Variants in TTYH3 observed in about 807,000 individuals in gnomAD.
TTYH3 encodes tweety family member 3, also known as protein tweety homolog 3.
Under a neutral mutation model 68.2 loss-of-function variants are expected in TTYH3, and 23 were observed. The ratio of observed to expected loss-of-function variants is 0.34; its 90% confidence interval spans 0.24 to 0.48. The LOEUF (loss-of-function observed/expected upper bound fraction) is 0.48, where lower values mean the gene tolerates loss of function less well. Ranked by LOEUF, TTYH3 falls within the 20% of genes least tolerant of loss-of-function variation. The pLI, the probability that TTYH3 is intolerant of heterozygous loss-of-function variation, is 0.99. For synonymous variants in TTYH3, 360 were observed against 332.8 expected (o/e 1.08, Z -0.89); for missense variants, 768 against 727.7 (o/e 1.06, Z -0.64).
Position 2,642,125 on chromosome 7 carries a change from G to A in TTYH3, c.124-4728G>A, listed in dbSNP as rs369840504. Among the ~76,000 whole-genome samples, 67 of 152,334 alleles carry A rather than the reference G, an allele frequency of 4.4e-4. 1 individual carries two copies. The South Asian group carries it at 0.013, about 30-fold the overall frequency. ...AGAGAAAGCTGCCTCAGCCAATCGC[G>A]GTGCTCACACCTGTAATCCAGCACT... On this transcript the variant is annotated intron_variant, in intron 1 of 13. Transcript: ENST00000258796.
chr7:2,659,725 A>G (rs1351984218), intron 13 of TTYH3, among the ~76,000 whole-genome samples: 1 of 151,990 alleles, frequency 6.6e-6, no homozygotes, highest in African/African-American at 2.4e-5. Flanking sequence ...GGCCACTGTC[A>G]TGGTCCCCTG....
chr7:2,639,384 C>T (rs1034999355), intron 1 of TTYH3, among the ~76,000 whole-genome samples: 4 of 152,214 alleles, frequency 2.6e-5, no homozygotes, highest in South Asian at 2.1e-4. Flanking sequence ...TGCCCTCCCC[C>T]ACCTGTTGCG....
At chr7:2,647,923 C>T (rs1162509871) in intron 4 of TTYH3, 36 bp from the exon 5 acceptor site, 1 of 1,599,804 alleles carries the variant, frequency 6.3e-7, no homozygotes, top group South Asian at 1.1e-5. Flanking sequence ...GGCCCCGGGT[C>T]CCTGTGCCCT....
At chr7:2,648,763 G>A (rs1006094313) in intron 5 of TTYH3, among the ~76,000 whole-genome samples, 10 of 152,042 alleles carry the variant, frequency 6.6e-5, no homozygotes, top group Admixed American at 2.6e-4. Flanking sequence ...TGGTGGGGGG[G>A]GGTGCAGCTT....
rs1786543981 is a variant in TTYH3 at position 2,663,424 on chromosome 7, A to T, written c.*1685A>T. On this transcript the variant is annotated 3_prime_UTR_variant, in exon 14 of 14. Transcript: ENST00000258796. ...GTGTCTGGGACCAAAAAGGGGGAAT[A>T]TGGGAGGGCAGAGTGGGGAGGGGAG... The T allele has an allele frequency of 6.6e-6, 1 of 152,498 alleles. No homozygotes were observed. Among genetic ancestry groups the T allele is most frequent in the Non-Finnish European group, 1.5e-5 (1 of 68,070 alleles). The allele number at this position is 152,498 out of a possible 1,614,324, so 9.4% of individuals were successfully genotyped here.
In TTYH3 at chr7:2,645,661, A is replaced by G. The variant is rs1157984938; in HGVS notation, c.124-1192A>G. 3 of 399,582 alleles carry G rather than the reference A, an allele frequency of 7.5e-6. No individual in the cohort carries two copies. Among genetic ancestry groups the G allele is most frequent in the East Asian group, 1.5e-4 (2 of 13,712 alleles). The allele number at this position is 399,582 out of a possible 1,614,324, so 24.8% of individuals were successfully genotyped here. On this transcript the variant is annotated intron_variant, in intron 1 of 13. Coordinates refer to ENST00000258796, the MANE Select transcript of TTYH3 (RefSeq NM_025250.3). The surrounding 1 kb of genome is among the most constrained non-coding windows in gnomAD (Gnocchi z 4.8). The stretch of plus-strand genomic sequence containing the variant: ...TGGGGCCAGCCCCACCATCTCATCC[A>G]GCGTGGGGGCACGCCATGGACGGTG...
At chr7:2,643,024 C>G (rs2114980316) in intron 1 of TTYH3, among the ~76,000 whole-genome samples, 1 of 150,068 alleles carries the variant, frequency 6.7e-6, no homozygotes, top group African/African-American at 2.5e-5. Context: ...GATCACACCA[C>G]TGCACTCCAG....
intron 1 of TTYH3, among the ~76,000 whole-genome samples, chr7:2,634,199 G>A (rs772918980): frequency 2.6e-5 from 4 of 152,246 alleles, no homozygotes; most frequent in Non-Finnish European, 4.4e-5. Flanking sequence ...GGGCTGTGGC[G>A]TGAGCTGGTC....
rs561364736 is a variant in TTYH3, at chr7:2,656,139, C to T, written c.1068C>T (p.Asn356=). ...VQEVLNGTEV[N]LQHLTALVDC... is the part of the protein sequence containing the mutation. ...AGGTGCTGAATGGCACGGAGGTGAA[C>T]CTGCAGCACCTCACCGCCCTGGTGG... Residue 356 remains asparagine (N), a synonymous_variant, in exon 10 of 14, where the codon AAC becomes AAT. Transcript: ENST00000258796. 7 of 1,570,870 alleles carry T rather than the reference C, an allele frequency of 4.5e-6. No homozygotes were observed. The African/African-American group carries it at 5.4e-5, about 12-fold the overall frequency.
Position 2,647,457 on chromosome 7 carries a change from C to T in TTYH3, c.445C>T (p.Pro149Ser). ...GGTGGGGCTGAACCACACGGCGGAG[C>T]CCAGCCTGCAGACCCTGGAGCGGCA... is the stretch of plus-strand genomic sequence containing the variant. ...TAVGLNHTAE[P>S]SLQTLERQLA... is the part of the protein sequence containing the mutation. The change falls in exon 4 of 14, where the codon CCC becomes TCC. Residue 149 changes from proline to serine, a missense_variant. Pro to Ser is a moderately conservative substitution (Grantham distance 74). Transcript: ENST00000258796. The T allele has an allele frequency of 6.5e-7, 1 of 1,531,638 alleles. No individual in the cohort carries two copies. The highest frequency in any genetic ancestry group is 8.7e-7 in the Non-Finnish European group (1 of 1,143,362). The allele number at this position is 1,531,638 out of a possible 1,614,324, so 94.9% of individuals were successfully genotyped here.
chr7:2,661,806 A>G lies in TTYH3; in HGVS notation c.*67A>G. On this transcript the variant is annotated 3_prime_UTR_variant, in exon 14 of 14. Transcript: ENST00000258796. Reference sequence around the variant, plus strand: ...TCCCCGTGCCAGCACTGCCGCTTCCACCTGGGCCACCCACCGGACCCTCGC... The same window carrying G: ...TCCCCGTGCCAGCACTGCCGCTTCCGCCTGGGCCACCCACCGGACCCTCGC... 1 of 1,512,392 alleles carries G rather than the reference A, an allele frequency of 6.6e-7. No homozygotes were observed. Among genetic ancestry groups the G allele is most frequent in the Non-Finnish European group, 8.9e-7 (1 of 1,118,328 alleles). 93.7% of individuals were successfully genotyped at this position (1,512,392 alleles called of 1,614,324 possible).
intron 11 of TTYH3, among the ~76,000 whole-genome samples, chr7:2,658,040 T>G (rs1388879032): frequency 6.6e-6 from 1 of 152,214 alleles, no homozygotes; most frequent in Non-Finnish European, 1.5e-5. Context: ...AGCCTTGCCA[T>G]GCACAGGCCG....
intron 9 of TTYH3, among the ~76,000 whole-genome samples, chr7:2,653,557 A>G (rs1786249111): frequency 6.6e-6 from 1 of 151,946 alleles, no homozygotes; most frequent in South Asian, 2.1e-4. Context: ...TCTACATTAC[A>G]ATATGTTAAA....
chr7:2,653,693 T>C (rs1172560194), intron 9 of TTYH3, among the ~76,000 whole-genome samples: 1 of 152,128 alleles, frequency 6.6e-6, no homozygotes, highest in East Asian at 1.9e-4. Flanking sequence ...TGAAACACCA[T>C]TTCTACTAAA....
chr7:2,652,297 G>T lies in TTYH3; in HGVS notation c.927+55G>T. ...TCAGGAGAGTCTGAAGCACATTGCT[G>T]TGTGTGGAGGGGCCCAGCAGGCCTG... is the stretch of plus-strand genomic sequence containing the variant. On this transcript the variant is annotated intron_variant, in intron 8 of 13. Coordinates refer to ENST00000258796, the MANE Select transcript of TTYH3 (RefSeq NM_025250.3). 5 of 1,513,836 alleles carry T rather than the reference G, an allele frequency of 3.3e-6. No homozygotes were observed. The East Asian group carries it at 1.1e-4, about 34-fold the overall frequency. The allele number at this position is 1,513,836 out of a possible 1,614,324, so 93.8% of individuals were successfully genotyped here.
rs111233676 is a variant in TTYH3 at position 2,661,799 on chromosome 7, C to T, written c.*60C>T. The T allele has an allele frequency of 2.9e-5, 45 of 1,540,698 alleles. No homozygotes were observed. The highest frequency in any genetic ancestry group is 2.9e-4 in the South Asian group (25 of 85,730). On this transcript the variant is annotated 3_prime_UTR_variant, in exon 14 of 14. Coordinates refer to ENST00000258796, the MANE Select transcript of TTYH3 (RefSeq NM_025250.3). ...CTTCCCCTCCCCGTGCCAGCACTGC[C>T]GCTTCCACCTGGGCCACCCACCGGA...
At chr7:2,646,062 T>A (rs560767910) in intron 1 of TTYH3, among the ~76,000 whole-genome samples, 12 of 151,956 alleles carry the variant, frequency 7.9e-5, no homozygotes, top group Admixed American at 2.6e-4. Context: ...TCGCCCAGGC[T>A]GGAGTGCAGT....
chr7:2,640,496 G>C (rs1483906518), intron 1 of TTYH3, among the ~76,000 whole-genome samples: 1 of 152,216 alleles, frequency 6.6e-6, no homozygotes, highest in African/African-American at 2.4e-5. Flanking sequence ...CCCAGGTCCT[G>C]CCACCAGGTG....
chr7:2,650,445 G>C (rs189545783), intron 7 of TTYH3, among the ~76,000 whole-genome samples: 2 of 152,230 alleles, frequency 1.3e-5, no homozygotes, highest in Non-Finnish European at 2.9e-5. Context: ...GGGTGTGGTC[G>C]TGGGTGCCTG....
Sources: allele counts gnomAD v4.1 joint callset (sites outside exome capture counted in the v4.1 genomes callset), GRCh38; gene constraint gnomAD v4.1.1; non-coding constraint Gnocchi (gnomAD v3.1); transcripts MANE v1.5; gene names NCBI Gene and HGNC (gene_info 2026-07-23, HGNC 2026-07-21).